Variants in NR1D1 observed in about 807,000 individuals in gnomAD.
NR1D1 encodes nuclear receptor subfamily 1 group D member 1, also known as Rev-ErbAalpha.
NR1D1 carries 17 observed loss-of-function variants against 51.1 expected under a neutral mutation model. The ratio of observed to expected loss-of-function variants is 0.33; its 90% CI spans 0.23 to 0.50. NR1D1 has a LOEUF of 0.50. Among genes scored for constraint, NR1D1 ranks in the 20% least tolerant of loss-of-function variants. NR1D1 has a pLI of 0.98. For missense variants in NR1D1, 647 were observed against 830.4 expected (o/e 0.78, Z 2.71); for synonymous variants, 341 against 333.4 (o/e 1.02, Z -0.25).
rs1217496050 is a variant in NR1D1 at position 40,097,051 on chromosome 17, G to A, written c.370+14C>T. The A allele has an allele frequency of 6.3e-7, 1 of 1,575,772 alleles. No individual in the cohort carries two copies. Among genetic ancestry groups the A allele is most frequent in the South Asian group, 1.2e-5 (1 of 85,214 alleles). ...CTGCTTCCCTTCCCCCGAATCAGCT[G>A]GAAAGGTACTCACTGGTGATGTTGC... On this transcript the variant is annotated intron_variant, in intron 2 of 7. Transcript: ENST00000246672.
intron 1 of NR1D1, among the ~76,000 whole-genome samples, chr17:40,098,310 A>T (rs974036011): frequency 5.9e-5 from 9 of 152,204 alleles, no homozygotes; most frequent in African/African-American, 1.7e-4. Flanking sequence ...ATGTGACCTA[A>T]CACATGCCAT....
chr17:40,097,174 C>A lies in NR1D1; in HGVS notation c.261G>T (p.Ser87=). 3 of 1,611,384 alleles carry A rather than the reference C, an allele frequency of 1.9e-6. No individual in the cohort carries two copies. The highest frequency in any genetic ancestry group is 1.1e-5 in the South Asian group (1 of 90,782). The stretch of plus-strand genomic sequence containing the variant: ...TATAGAAGGAGGAGGAGGATGACGA[C>A]GAGGAAGATGAGGAAGAAGGGGAGC... The part of the protein sequence containing the change: ...DDGSPSSSSS[S]SSSSSSFYNG... The change falls in exon 2 of 8, where the codon TCG becomes TCT. Residue 87 remains serine (S), a synonymous_variant. Transcript: ENST00000246672.
rs750895567 is a variant in NR1D1 at position 40,095,112 on chromosome 17, A to G, written c.1257T>C (p.Pro419=). The G allele has an allele frequency of 6.2e-7, 1 of 1,609,200 alleles. No individual in the cohort carries two copies. Among genetic ancestry groups the G allele is most frequent in the South Asian group, 1.1e-5 (1 of 90,732 alleles). Residue 419 remains proline (P), a synonymous_variant, in exon 6 of 8, where the codon CCT becomes CCC. Coordinates refer to ENST00000246672, the MANE Select transcript of NR1D1 (RefSeq NM_021724.5). ...GNSKNVLLAC[P]MNMYPHGRSG... is the part of the protein sequence containing the mutation. ...TGCGTCCATGCGGGTACATGTTCAT[A>G]GGACATGCCTGGGGGAGGAAAAGAT...
intron 1 of NR1D1, among the ~76,000 whole-genome samples, chr17:40,099,639 T>A (rs1013660764): frequency 2.0e-5 from 3 of 151,848 alleles, no homozygotes; most frequent in Admixed American, 6.6e-5. Context: ...TCAGATTCCC[T>A]CGCGCCTGCA....
In NR1D1 at chr17:40,096,604, G is replaced by T. The variant is rs1987767985; in HGVS notation, c.460-17C>A. 6.2e-7 allele frequency: 1 copy of T among 1,613,704 alleles called. No homozygotes were observed. Among genetic ancestry groups the T allele is most frequent in the African/African-American group, 1.3e-5 (1 of 74,932 alleles). ...GAAAAAGCCCTGGAGGGCAGGGGTG[G>T]TTAGTGACCACCTCCATCATGGCTG... On this transcript the variant is annotated splice_polypyrimidine_tract_variant and intron_variant, in intron 3 of 7. Transcript: ENST00000246672.
Position 40,100,373 on chromosome 17 carries a change from C to A in NR1D1, c.-279G>T, listed in dbSNP as rs200639086. The A allele has an allele frequency of 6.8e-6, 4 of 584,212 alleles. No homozygotes were observed. The highest frequency in any genetic ancestry group is 1.2e-5 in the Non-Finnish European group (4 of 327,396). 36.2% of individuals were successfully genotyped at this position (584,212 alleles called of 1,614,324 possible). On this transcript the variant is annotated 5_prime_UTR_variant, in exon 1 of 8. Transcript: ENST00000246672. ...TGCAGTAGTTCTGGCTAGAAGGTAG[C>A]AAGGAGGGTCGGGTCTCTGCAGTGT...
In NR1D1 at chr17:40,097,333, A is replaced by G. The variant is rs1169150076; in HGVS notation, c.102T>C (p.Ser34=). ...PSRTSPESLY[S]DNSNGSFQSL... is the part of the protein sequence containing the mutation. ...ACTGGAAGCTGCCATTGGAGTTGTC[A>G]CTATAGAGGGATTCAGGGCTGGTGC... The change falls in exon 2 of 8, where the codon AGT becomes AGC. Residue 34 remains serine, a synonymous_variant. Transcript: ENST00000246672. 6.2e-7 allele frequency: 1 copy of G among 1,614,052 alleles called. No individual in the cohort carries two copies. The highest frequency in any genetic ancestry group is 1.1e-5 in the South Asian group (1 of 91,068).
Position 40,092,970 on chromosome 17 carries a change from T to C in NR1D1, c.*113A>G. The C allele has an allele frequency of 6.3e-7, 1 of 1,584,608 alleles. No homozygotes were observed. Among genetic ancestry groups the C allele is most frequent in the African/African-American group, 1.4e-5 (1 of 73,710 alleles). On this transcript the variant is annotated 3_prime_UTR_variant, in exon 8 of 8. Transcript: ENST00000246672. Reference sequence around the variant, plus strand: ...CAGAGGCTCATCTTGGAATATTTTATAACAATATAAATAAGATTCTGGTTT... The same window carrying C: ...CAGAGGCTCATCTTGGAATATTTTACAACAATATAAATAAGATTCTGGTTT...
At chr17:40,099,400 G>C (rs906630863) in intron 1 of NR1D1, among the ~76,000 whole-genome samples, 1 of 152,220 alleles carries the variant, frequency 6.6e-6, no homozygotes, top group Non-Finnish European at 1.5e-5. Context: ...GACCAATGGG[G>C]TGGCAGCCAC....
chr17:40,093,896 C>G lies in NR1D1; in HGVS notation c.1645+16G>C. 6.2e-7 allele frequency: 1 copy of G among 1,606,102 alleles called. No homozygotes were observed. Among genetic ancestry groups the G allele is most frequent in the Non-Finnish European group, 8.5e-7 (1 of 1,178,550 alleles). ...CGTCTGCCTCCTCCCCCGGGTCAGG[C>G]GAGAGCCTGACCTACCTGCAGAGAC... On this transcript the variant is annotated intron_variant, in intron 7 of 7. Coordinates refer to ENST00000246672, the MANE Select transcript of NR1D1 (RefSeq NM_021724.5). The surrounding 1 kb of genome is among the most constrained non-coding windows in gnomAD (Gnocchi z 5.9).
rs112194173 is a variant in NR1D1 at position 40,094,848 on chromosome 17, A to C, written c.1434+87T>G. The stretch of plus-strand genomic sequence containing the variant: ...AGGAGGTGGAGGTTGCAGTGAGTGG[A>C]GATCGCACCATTGCACTCCAGCCTG... On this transcript the variant is annotated intron_variant, in intron 6 of 7. Transcript: ENST00000246672. The C allele has an allele frequency of 5.5e-6, 7 of 1,266,462 alleles. No individual in the cohort carries two copies. In the African/African-American group the frequency reaches 8.8e-5, roughly 16 times the overall value. The allele number at this position is 1,266,462 out of a possible 1,614,324, so 78.5% of individuals were successfully genotyped here.
intron 1 of NR1D1, 121 bp from the exon 2 acceptor site, chr17:40,097,524 A>C: frequency 1.3e-6 from 1 of 764,080 alleles, no homozygotes; most frequent in Non-Finnish European, 2.2e-6. Flanking sequence ...CACCATGTGG[A>C]GCCCCTAATC....
chr17:40,095,810 C>T lies in NR1D1; in HGVS notation c.882G>A (p.Arg294=), dbSNP rs1382966179. 3.1e-6 allele frequency: 5 copies of T among 1,613,748 alleles called. No homozygotes were observed. Among genetic ancestry groups the T allele is most frequent in the Non-Finnish European group, 4.2e-6 (5 of 1,179,956 alleles). The change falls in exon 5 of 8, where the codon CGG becomes CGA. Residue 294 remains arginine, a synonymous_variant. Coordinates refer to ENST00000246672, the MANE Select transcript of NR1D1 (RefSeq NM_021724.5). The part of the protein sequence containing the change: ...TVEDVISQVA[R]AHREIFTYAH... ...CGTAGGTGAAGATCTCTCGATGGGC[C>T]CGGGCCACCTGGGATATCACATCCT...
At chr17:40,097,534 C>G in intron 1 of NR1D1, 131 bp from the exon 2 acceptor site, 1 of 723,294 alleles carries the variant, frequency 1.4e-6, no homozygotes. Context: ...AGCCCCTAAT[C>G]TTGGAGTTAA....
Position 40,093,317 on chromosome 17 carries a change from C to T in NR1D1, c.1646-35G>A, listed in dbSNP as rs1987659727. On this transcript the variant is annotated intron_variant, in intron 7 of 7. Coordinates refer to ENST00000246672, the MANE Select transcript of NR1D1 (RefSeq NM_021724.5). This position sits in a 1 kb window ranked among gnomAD's most constrained non-coding sequence, Gnocchi z 5.9. ...AGACGACAGCAGTGAGGCGGACTCC[C>T]CGAGCTCCTCTGAGGAGGAACCGGA... is the stretch of plus-strand genomic sequence containing the variant. 1 of 1,613,246 alleles carries T rather than the reference C, an allele frequency of 6.2e-7. No homozygotes were observed.
intron 6 of NR1D1, among the ~76,000 whole-genome samples, chr17:40,094,410 T>G (rs1489178288): frequency 6.6e-6 from 1 of 152,216 alleles, no homozygotes; most frequent in Non-Finnish European, 1.5e-5. Flanking sequence ...CAAGGCATTA[T>G]TTCAGTGTAA....
Position 40,096,760 on chromosome 17 carries a change from T to A in NR1D1, c.390A>T (p.Leu130Phe). The A allele has an allele frequency of 6.2e-7, 1 of 1,614,124 alleles. No individual in the cohort carries two copies. The highest frequency in any genetic ancestry group is 8.5e-7 in the Non-Finnish European group (1 of 1,180,018). The change falls in exon 3 of 8, where the codon TTA becomes TTT. Residue 130 changes from leucine to phenylalanine, a missense_variant. By Grantham distance (22) the Leu-to-Phe change is conservative. Coordinates refer to ENST00000246672, the MANE Select transcript of NR1D1 (RefSeq NM_021724.5). ...SNITKLNGMV[L>F]LCKVCGDVAS... ...CAACGTCCCCACACACTTTACACAG[T>A]AACACCATGCCATTCAGCTCTGTGG... is the stretch of plus-strand genomic sequence containing the variant.
rs200338172 is a variant in NR1D1 at position 40,097,438 on chromosome 17, C to T, written c.32-35G>A. The T allele has an allele frequency of 5.1e-5, 78 of 1,538,680 alleles. 1 individual carries two copies. In the East Asian group the frequency reaches 1.2e-3, roughly 24 times the overall value. ...GAACAAAAGGAAAGGGGGTGTCAGC[C>T]GCCATGTCTCCGGACCTAGGGTGCC... On this transcript the variant is annotated intron_variant, in intron 1 of 7. Transcript: ENST00000246672.
In NR1D1 at chr17:40,093,660, T is replaced by C; in HGVS notation, c.1645+252A>G. 1 of 645,514 alleles carries C rather than the reference T, an allele frequency of 1.5e-6. No homozygotes were observed. The highest frequency in any genetic ancestry group is 2.6e-6 in the Non-Finnish European group (1 of 379,518). 40.0% of individuals were successfully genotyped at this position (645,514 alleles called of 1,614,324 possible). On this transcript the variant is annotated intron_variant, in intron 7 of 7. Coordinates refer to ENST00000246672, the MANE Select transcript of NR1D1 (RefSeq NM_021724.5). This position sits in a 1 kb window ranked among gnomAD's most constrained non-coding sequence, Gnocchi z 5.9. ...TTGAGGCCCCAACTCAAGTGTCACCTCCTTCCCCAGCTCCCCCAGGCAGAA... is the reference window on the plus strand; with the variant it reads ...TTGAGGCCCCAACTCAAGTGTCACCCCCTTCCCCAGCTCCCCCAGGCAGAA...
Sources: allele counts gnomAD v4.1 joint callset (sites outside exome capture counted in the v4.1 genomes callset), GRCh38; gene constraint gnomAD v4.1.1; non-coding constraint Gnocchi (gnomAD v3.1); transcripts MANE v1.5; gene names NCBI Gene and HGNC (gene_info 2026-07-23, HGNC 2026-07-21).